HHAT: variants seen among roughly 807,000 people sequenced by gnomAD.
HHAT encodes hedgehog acyltransferase.
In HHAT, 47 loss-of-function variants were observed where a neutral mutation model predicts 70.8. That is an observed-to-expected ratio of 0.66 (90% CI 0.53 to 0.85). HHAT has a LOEUF of 0.85. Ranked by LOEUF, HHAT falls within the 40% of genes least tolerant of loss-of-function variation. The pLI is 0.00. For synonymous variants in HHAT, 228 were observed against 247.6 expected (o/e 0.92, Z 0.74); for missense variants, 609 against 604.8 (o/e 1.01, Z -0.07).
intron 10 of HHAT, among the ~76,000 whole-genome samples, chr1:210,614,040 A>G (rs915539648): frequency 7.1e-6 from 1 of 141,174 alleles, no homozygotes. Flanking sequence ...AAAAAAAAAA[A>G]AAATTCCTCC....
At chr1:210,641,509 A>C (rs1004698729) in intron 11 of HHAT, among the ~76,000 whole-genome samples, 4 of 152,308 alleles carry the variant, frequency 2.6e-5, no homozygotes, top group African/African-American at 9.6e-5. Context: ...ATATAGATTA[A>C]ATTTTGCCTA....
intron 8 of HHAT, among the ~76,000 whole-genome samples, chr1:210,471,397 A>G (rs2094202202): frequency 6.6e-6 from 1 of 151,918 alleles, no homozygotes. Context: ...ATGTTGTGCC[A>G]CATCCTAGAT....
intron 3 of HHAT, chr1:210,374,079 G>GTGACAATGAATCAC (rs899188020): frequency 6.6e-6 from 1 of 152,208 alleles, no homozygotes; most frequent in African/African-American, 2.4e-5. Context: ...TAAACAAACA[G>GTGACAATGAATCAC]TGACAATGAA....
At chr1:210,563,013 G>A (rs2095638445) in intron 9 of HHAT, among the ~76,000 whole-genome samples, 1 of 152,116 alleles carries the variant, frequency 6.6e-6, no homozygotes, top group African/African-American at 2.4e-5. Context: ...TCAGGAGCCT[G>A]AGGCTCAGAA....
intron 11 of HHAT, among the ~76,000 whole-genome samples, chr1:210,658,287 C>G (rs1676883104): frequency 6.6e-6 from 1 of 152,150 alleles, no homozygotes; most frequent in African/African-American, 2.4e-5. Flanking sequence ...AGCATCTACT[C>G]TTTCCTCCCA....
At chr1:210,674,193 A>G in intron 11 of HHAT, 95 bp from the exon 12 acceptor site, 1 of 969,530 alleles carries the variant, frequency 1.0e-6, no homozygotes, top group Non-Finnish European at 1.6e-6. Context: ...GTTGTTTGTC[A>G]GGTTGCCTTC....
chr1:210,399,241 G>A (rs2091947061), intron 4 of HHAT, among the ~76,000 whole-genome samples: 1 of 152,122 alleles, frequency 6.6e-6, no homozygotes, highest in Non-Finnish European at 1.5e-5. Flanking sequence ...CCATGAAGGA[G>A]ATATTGTTAT....
rs869305965 is a variant in HHAT at position 210,386,230 on chromosome 1, C to CTTTTTTTTTTTTTTTT, written c.160-1227_160-1212dup. On this transcript the variant is annotated intron_variant, in intron 3 of 11. Transcript: ENST00000261458. ...ATTGCAGGAGTCCTTTTCTTTTTTT[C>CTTTTTTTTTTTTTTTT]TTTTTTTTTTTTTTTTTTTTTTTTT... Among the ~76,000 whole-genome samples, 21 of 69,922 alleles carry CTTTTTTTTTTTTTTTT rather than the reference C, an allele frequency of 3.0e-4. 1 individual carries two copies. Among genetic ancestry groups the CTTTTTTTTTTTTTTTT allele is most frequent in the South Asian group, 6.3e-4 (1 of 1,578 alleles). 45.9% of individuals were successfully genotyped at this position (69,922 alleles called of 152,430 possible).
intron 3 of HHAT, among the ~76,000 whole-genome samples, chr1:210,386,131 T>C (rs1408651509): frequency 6.6e-6 from 1 of 152,050 alleles, no homozygotes; most frequent in Non-Finnish European, 1.5e-5. Flanking sequence ...AAATCACACT[T>C]TTCTTCAAAT....
At chr1:210,515,254 T>C (rs2095034362) in intron 9 of HHAT, among the ~76,000 whole-genome samples, 1 of 152,138 alleles carries the variant, frequency 6.6e-6, no homozygotes, top group African/African-American at 2.4e-5. Flanking sequence ...TGGGAGTAGA[T>C]CTCTTCCTCT....
intron 11 of HHAT, among the ~76,000 whole-genome samples, chr1:210,643,107 A>T (rs1173094209): frequency 3.9e-5 from 6 of 152,212 alleles, no homozygotes; most frequent in Admixed American, 2.0e-4. Context: ...AAACCATTGT[A>T]TCCCCCACAG....
intron 7 of HHAT, among the ~76,000 whole-genome samples, chr1:210,440,468 G>C (rs144059788): frequency 1.3e-5 from 2 of 151,744 alleles, no homozygotes; most frequent in Non-Finnish European, 2.9e-5. Flanking sequence ...CCCCAGAAAG[G>C]CTTGGGTGAG....
At chr1:210,418,457 C>T (rs1368683825) in intron 7 of HHAT, 132 bp downstream of exon 7, 18 of 771,402 alleles carry the variant, frequency 2.3e-5, no homozygotes, top group African/African-American at 2.2e-4. Flanking sequence ...TATTTTTTAA[C>T]CTACTCCTCT....
At chr1:210,546,788 T>C (rs1260560550) in intron 9 of HHAT, among the ~76,000 whole-genome samples, 1 of 151,968 alleles carries the variant, frequency 6.6e-6, no homozygotes, top group Non-Finnish European at 1.5e-5. Context: ...AGCTTCACTG[T>C]GAAAGTGGGA....
intron 3 of HHAT, chr1:210,374,151 G>C (rs900381941): frequency 6.6e-6 from 1 of 152,122 alleles, no homozygotes; most frequent in South Asian, 2.1e-4. Context: ...TATAAAACAT[G>C]ATCTGCCTCC....
intron 7 of HHAT, chr1:210,439,446 G>T (rs1405646920): frequency 1.3e-5 from 2 of 151,830 alleles, no homozygotes; most frequent in Admixed American, 6.6e-5. Flanking sequence ...ACTCCCAGCT[G>T]CTGCAGCTGG....
chr1:210,571,035 A>T (rs1354344621), intron 9 of HHAT, among the ~76,000 whole-genome samples: 1 of 152,138 alleles, frequency 6.6e-6, no homozygotes, highest in Admixed American at 6.5e-5. Flanking sequence ...GGCTCTCCCA[A>T]TCTCCTGGCC....
At chr1:210,602,328 C>T (rs576319586) in intron 10 of HHAT, among the ~76,000 whole-genome samples, 17 of 152,046 alleles carry the variant, frequency 1.1e-4, no homozygotes, top group Admixed American at 3.9e-4. Flanking sequence ...CACAGAGGCC[C>T]CTGATGTTCA....
chr1:210,571,205 T>C (rs1656195947), intron 9 of HHAT, among the ~76,000 whole-genome samples: 1 of 152,234 alleles, frequency 6.6e-6, no homozygotes, highest in African/African-American at 2.4e-5. Context: ...CCTCCATGCC[T>C]TTCCCTTTCT....
Sources: allele counts gnomAD v4.1 joint callset (sites outside exome capture counted in the v4.1 genomes callset), GRCh38; gene constraint gnomAD v4.1.1; transcripts MANE v1.5; gene names NCBI Gene and HGNC (gene_info 2026-07-23, HGNC 2026-07-21).